EIF3H: variants seen among roughly 807,000 people sequenced by gnomAD.
EIF3H encodes the protein eIF-3-gamma.
A neutral mutation model predicts 44.2 loss-of-function variants in EIF3H; 26 were observed. The ratio of observed to expected loss-of-function variants is 0.59; its 90% CI spans 0.43 to 0.82. The LOEUF (loss-of-function observed/expected upper bound fraction) is 0.82. EIF3H is among the 40% of genes least tolerant of loss of function. The pLI is 0.00. For missense variants in EIF3H, 359 were observed against 432.8 expected (o/e 0.83, Z 1.51); for synonymous variants, 166 against 151.9 (o/e 1.09, Z -0.68).
chr8:116,748,321 T>A (rs1361269140), intron 1 of EIF3H, among the ~76,000 whole-genome samples: 3 of 152,160 alleles, frequency 2.0e-5, no homozygotes, highest in African/African-American at 7.2e-5. Flanking sequence ...ACAAAAAATT[T>A]AACCAAACAA....
At chr8:116,758,792 A>G (rs1358073470), upstream of EIF3H, among the ~76,000 whole-genome samples, 2 of 152,212 alleles carry the variant, frequency 1.3e-5, no homozygotes, top group Non-Finnish European at 2.9e-5. Context: ...AGTCTCCAGG[A>G]AAATTTTAAA....
intron 2 of EIF3H, among the ~76,000 whole-genome samples, chr8:116,694,272 T>C (rs143534727): frequency 8.5e-4 from 129 of 152,336 alleles, no homozygotes; most frequent in African/African-American, 2.8e-3. Flanking sequence ...CATCATGCTA[T>C]AAAACTTTTA....
Position 116,658,804 on chromosome 8 carries a change from C to A in EIF3H, c.457+9G>T. On this transcript the variant is annotated intron_variant, in intron 3 of 7. Coordinates refer to ENST00000521861, the MANE Select transcript of EIF3H (RefSeq NM_003756.3). Reference sequence around the variant, plus strand: ...TAAGGGAAAAAAGAATAATAAACCTCCTACTAACCATAAATGAGAACGACA... The same window carrying A: ...TAAGGGAAAAAAGAATAATAAACCTACTACTAACCATAAATGAGAACGACA... 1 of 1,607,160 alleles carries A rather than the reference C, an allele frequency of 6.2e-7. No individual in the cohort carries two copies. The highest frequency in any genetic ancestry group is 8.5e-7 in the Non-Finnish European group (1 of 1,177,986).
chr8:116,681,760 C>G (rs1373490044), intron 2 of EIF3H, among the ~76,000 whole-genome samples: 1 of 151,268 alleles, frequency 6.6e-6, no homozygotes, highest in East Asian at 1.9e-4. Context: ...TTAAAGATGA[C>G]ACAAGATAAA....
chr8:116,662,205 G>C (rs1432637918), intron 2 of EIF3H, among the ~76,000 whole-genome samples: 2 of 152,180 alleles, frequency 1.3e-5, no homozygotes, highest in African/African-American at 4.8e-5. Flanking sequence ...TCTATGTAAA[G>C]TGAAGGAGAT....
chr8:116,668,032 C>G (rs1813696340), intron 2 of EIF3H, among the ~76,000 whole-genome samples: 1 of 152,200 alleles, frequency 6.6e-6, no homozygotes. Context: ...TAACCCCATC[C>G]TCAAACTCTA....
intron 2 of EIF3H, among the ~76,000 whole-genome samples, chr8:116,718,431 A>T (rs183530618): frequency 1.3e-5 from 2 of 152,314 alleles, no homozygotes; most frequent in East Asian, 3.9e-4. Context: ...TGTTTATAGC[A>T]GCACAATTTG....
chr8:116,747,264 C>A (rs1009007171), intron 1 of EIF3H, among the ~76,000 whole-genome samples: 1 of 152,128 alleles, frequency 6.6e-6, no homozygotes, highest in African/African-American at 2.4e-5. Flanking sequence ...TGGGGTTTCG[C>A]CATGTTGGCC....
intron 1 of EIF3H, among the ~76,000 whole-genome samples, chr8:116,752,791 G>GGAAGGAAGGAAGGAAGGAAGGAAGGAA (rs1563663281): frequency 1.4e-5 from 1 of 71,490 alleles, no homozygotes; most frequent in Non-Finnish European, 2.5e-5. Flanking sequence ...GAGGGAGGGA[G>GGAAGGAAGGAAGGAAGGAAGGAAGGAA]GGAGGGAAGG....
rs1202109162 is a variant in EIF3H at position 116,642,974 on chromosome 8, T to A, written c.*2032A>T. ...TTTAAGAATCACACCTTTAAAAACATATTGAATTGACTCAGTTAAATTACT... is the reference window on the plus strand; with the variant it reads ...TTTAAGAATCACACCTTTAAAAACAAATTGAATTGACTCAGTTAAATTACT... On this transcript the variant is annotated 3_prime_UTR_variant, in exon 8 of 8. Transcript: ENST00000521861. 1 of 152,228 alleles carries A rather than the reference T, an allele frequency of 6.6e-6. No individual in the cohort carries two copies. Among genetic ancestry groups the A allele is most frequent in the Non-Finnish European group, 1.5e-5 (1 of 68,028 alleles). 9.4% of individuals were successfully genotyped at this position (152,228 alleles called of 1,614,324 possible). A position where few individuals can be genotyped will look rare whatever the true frequency, so the allele number is the denominator to read the frequency against.
At chr8:116,718,242 G>A (rs1180588374) in intron 2 of EIF3H, among the ~76,000 whole-genome samples, 4 of 152,050 alleles carry the variant, frequency 2.6e-5, no homozygotes, top group African/African-American at 9.7e-5. Flanking sequence ...GGCCTGGATG[G>A]GGTGAAAAGA....
chr8:116,717,669 T>C (rs148012959), intron 2 of EIF3H, among the ~76,000 whole-genome samples: 3 of 152,280 alleles, frequency 2.0e-5, no homozygotes, highest in East Asian at 1.9e-4. Flanking sequence ...ATTCAACAAA[T>C]GGTGCTGAGA....
chr8:116,737,666 A>G (rs9694570), intron 1 of EIF3H: 1 of 153,194 alleles, frequency 6.5e-6, no homozygotes, highest in South Asian at 2.0e-4. Flanking sequence ...CAAAAAAAAT[A>G]AAAAATAAAA....
intron 2 of EIF3H, among the ~76,000 whole-genome samples, chr8:116,696,545 A>T (rs982772679): frequency 6.6e-6 from 1 of 152,222 alleles, no homozygotes; most frequent in African/African-American, 2.4e-5. Flanking sequence ...AATTAGGAAT[A>T]ATGATTGAGG....
intron 2 of EIF3H, among the ~76,000 whole-genome samples, chr8:116,667,449 GTT>G (rs554045499): frequency 2.2e-3 from 263 of 120,866 alleles, no homozygotes; most frequent in African/African-American, 6.6e-3. Flanking sequence ...ACAGAAAACT[GTT>G]TGTACAACTT....
rs547103385 is a variant in EIF3H at position 116,688,236 on chromosome 8, C to T, written c.290-29256G>A. Among the ~76,000 whole-genome samples the T allele has an allele frequency of 3.3e-5, 5 of 152,184 alleles. No individual in the cohort carries two copies. In the South Asian group the frequency reaches 1.0e-3, roughly 32 times the overall value. ...ATATGCTTGAAACACAGAATGTTGTCTTATCTCTCTGGTATTCAGACCTTA... is the reference window on the plus strand; with the variant it reads ...ATATGCTTGAAACACAGAATGTTGTTTTATCTCTCTGGTATTCAGACCTTA... On this transcript the variant is annotated intron_variant, in intron 2 of 7. Transcript: ENST00000521861.
At chr8:116,671,451 T>C (rs919170147) in intron 2 of EIF3H, among the ~76,000 whole-genome samples, 28 of 152,206 alleles carry the variant, frequency 1.8e-4, no homozygotes, top group Admixed American at 3.3e-4. Flanking sequence ...TATACATCTT[T>C]TCCTTGCAGA....
intron 1 of EIF3H, among the ~76,000 whole-genome samples, chr8:116,739,577 G>A (rs1815097818): frequency 6.6e-6 from 1 of 152,240 alleles, no homozygotes; most frequent in Non-Finnish European, 1.5e-5. Flanking sequence ...GTGAACCTGG[G>A]AGGCGGAGCT....
At chr8:116,703,028 G>A (rs1286298104) in intron 2 of EIF3H, among the ~76,000 whole-genome samples, 1 of 152,138 alleles carries the variant, frequency 6.6e-6, no homozygotes. Flanking sequence ...AGCCACCCAG[G>A]TGCCAAGGCA....
Sources: gnomAD v4.1 joint callset for allele counts (sites outside exome capture counted in the v4.1 genomes callset) on GRCh38, gnomAD v4.1.1 for gene constraint, MANE v1.5 for transcripts, NCBI Gene and HGNC (gene_info 2026-07-23, HGNC 2026-07-21) for gene names.